ADAMTSL1: variants seen among roughly 807,000 people sequenced by gnomAD.
The protein encoded by ADAMTSL1 is ADAMTS like 1, also known as ADAMTS-like protein 1.
ADAMTSL1 carries 126 observed loss-of-function variants against 201.8 expected under a neutral mutation model. That is an observed-to-expected ratio of 0.62 (90% CI 0.54 to 0.72). The LOEUF is 0.72. Among genes scored for constraint, ADAMTSL1 ranks in the 30% least tolerant of loss-of-function variants. The pLI is 0.00. For missense variants in ADAMTSL1, 2,679 were observed against 2,277.8 expected (o/e 1.18, Z -3.59); for synonymous variants, 1,121 against 903.4 (o/e 1.24, Z -4.32).
At position 18,775,749 on chromosome 9, in the gene ADAMTSL1, A is replaced by C. The variant is rs771519241; in HGVS notation, c.2404A>C (p.Thr802Pro). ...GCCTTTCTTTCTCCACCAGTGTTCC[A>C]CAAGCTGCGGGGAAGGCACCCAGAC... is the stretch of plus-strand genomic sequence containing the variant. ...WLLSDWTECS[T>P]SCGEGTQTRS... Residue 802 changes from threonine (T) to proline (P), a missense_variant, in exon 18 of 29, where the codon ACA becomes CCA. Physicochemically the swap from Thr to Pro is conservative, Grantham distance 38. Transcript: ENST00000380548. 28 of 1,612,686 alleles carry C rather than the reference A, an allele frequency of 1.7e-5. No homozygotes were observed. The highest frequency in any genetic ancestry group is 2.4e-5 in the Non-Finnish European group (28 of 1,179,492).
At position 18,910,835 on chromosome 9, in the gene ADAMTSL1, G is replaced by C. The variant is rs1263850163; in HGVS notation, c.*2287G>C. 3 of 152,250 alleles carry C rather than the reference G, an allele frequency of 2.0e-5. No homozygotes were observed. Among genetic ancestry groups the C allele is most frequent in the Non-Finnish European group, 4.4e-5 (3 of 68,044 alleles). The allele number at this position is 152,250 out of a possible 1,614,324, so 9.4% of individuals were successfully genotyped here. ...TGTTTGTTCTGTGAATTGCAACTCA[G>C]CAGCACCACAAGACAATGAAGGCTG... On this transcript the variant is annotated 3_prime_UTR_variant, in exon 29 of 29. Transcript: ENST00000380548.
chr9:18,560,946 A>G (rs1821453340), intron 3 of ADAMTSL1, among the ~76,000 whole-genome samples: 1 of 151,446 alleles, frequency 6.6e-6, no homozygotes, highest in Non-Finnish European at 1.5e-5. Flanking sequence ...TCTTTAAAAA[A>G]AAAAAACAGC....
intron 1 of ADAMTSL1, among the ~76,000 whole-genome samples, chr9:18,484,840 A>G (rs1436032258): frequency 6.6e-6 from 1 of 152,198 alleles, no homozygotes. Flanking sequence ...TTTGGATTTC[A>G]TAGACTATTA....
chr9:18,672,940 T>C, intron 9 of ADAMTSL1, among the ~76,000 whole-genome samples: 1 of 152,214 alleles, frequency 6.6e-6, no homozygotes, highest in Non-Finnish European at 1.5e-5. Context: ...TGGAGTCATG[T>C]TACTGCCCAG....
At chr9:18,237,714 A>G (rs1830903075) in intron 2 of ADAMTSL1, among the ~76,000 whole-genome samples, 1 of 152,222 alleles carries the variant, frequency 6.6e-6, no homozygotes, top group Non-Finnish European at 1.5e-5. Flanking sequence ...GCTCTGATGC[A>G]TTTGAAAAGA....
intron 4 of ADAMTSL1, among the ~76,000 whole-genome samples, chr9:18,591,158 C>T (rs1031404384): frequency 2.0e-5 from 3 of 152,126 alleles, no homozygotes; most frequent in Non-Finnish European, 1.5e-5. Context: ...ATCTATCTCT[C>T]CTTTTAGATC....
At chr9:18,406,399 G>A (rs1190716359) in intron 2 of ADAMTSL1, among the ~76,000 whole-genome samples, 1 of 149,252 alleles carries the variant, frequency 6.7e-6, no homozygotes, top group Non-Finnish European at 1.5e-5. Context: ...CATGATCTCG[G>A]CTCACTGCAA....
At chr9:18,031,212 C>T (rs937681977) in intron 1 of ADAMTSL1, among the ~76,000 whole-genome samples, 12 of 152,180 alleles carry the variant, frequency 7.9e-5, no homozygotes, top group East Asian at 1.9e-4. Context: ...GGTGAAAAAA[C>T]ACTCTGAATT....
intron 13 of ADAMTSL1, among the ~76,000 whole-genome samples, chr9:18,703,140 A>T (rs1444486971): frequency 6.6e-6 from 1 of 152,198 alleles, no homozygotes; most frequent in African/African-American, 2.4e-5. Context: ...CTGATTTAAA[A>T]ACAAAAAAAA....
chr9:18,752,090 C>CAAAAAAAAAAAAA lies in ADAMTSL1; in HGVS notation c.2007-1191_2007-1179dup, dbSNP rs1166088098. 2.7e-5 allele frequency among the ~76,000 whole-genome samples: 3 copies of CAAAAAAAAAAAAA among 110,742 alleles called. 1 individual carries two copies. The highest frequency in any genetic ancestry group is 5.9e-5 in the Non-Finnish European group (3 of 51,130). The allele number at this position is 110,742 out of a possible 152,430, so 72.7% of individuals were successfully genotyped here. On this transcript the variant is annotated intron_variant, in intron 15 of 28. Coordinates refer to ENST00000380548, the MANE Select transcript of ADAMTSL1 (RefSeq NM_001040272.6). ...TGGGCGACAGAGCGAGACTCCGTCT[C>CAAAAAAAAAAAAA]AAAAAAAAAAAAAAAAAAAAAAAAA... is the stretch of plus-strand genomic sequence containing the variant.
At chr9:18,306,456 A>G (rs1299435542) in intron 2 of ADAMTSL1, among the ~76,000 whole-genome samples, 1 of 152,194 alleles carries the variant, frequency 6.6e-6, no homozygotes, top group Non-Finnish European at 1.5e-5. Flanking sequence ...AAAAAAGGTT[A>G]GAGAAATTGC....
intron 1 of ADAMTSL1, among the ~76,000 whole-genome samples, chr9:17,947,333 A>ACACT (rs1357485415): frequency 6.8e-6 from 1 of 146,244 alleles, no homozygotes; most frequent in African/African-American, 2.6e-5. Flanking sequence ...ACACACACAC[A>ACACT]CACACACACA....
intron 2 of ADAMTSL1, among the ~76,000 whole-genome samples, chr9:18,447,312 C>T (rs888813697): frequency 4.6e-5 from 7 of 152,168 alleles, no homozygotes; most frequent in Non-Finnish European, 8.8e-5. Flanking sequence ...AAATGTGTCA[C>T]AATCCCTGAA....
In ADAMTSL1 at chr9:18,662,062, T is replaced by C. The variant is rs759899921; in HGVS notation, c.1074T>C (p.Pro358=). 6.2e-7 allele frequency: 1 copy of C among 1,613,710 alleles called. No individual in the cohort carries two copies. Among genetic ancestry groups the C allele is most frequent in the South Asian group, 1.1e-5 (1 of 90,956 alleles). Residue 358 remains proline, a synonymous_variant, in exon 9 of 29, where the codon CCT becomes CCC. Transcript: ENST00000380548. The part of the protein sequence containing the change: ...KPKLQECNLD[P]CPASDGYKQI... ...AGCTTCAGGAGTGCAACTTGGATCC[T>C]TGTCCAGCCAGGTCAGTCAAATTTG...
At chr9:18,195,097 A>C (rs965279972) in intron 2 of ADAMTSL1, among the ~76,000 whole-genome samples, 3 of 152,150 alleles carry the variant, frequency 2.0e-5, no homozygotes, top group African/African-American at 4.8e-5. Flanking sequence ...CCTGTCATAC[A>C]GTAAGCACTC....
At chr9:18,414,746 A>G (rs909705766) in intron 2 of ADAMTSL1, among the ~76,000 whole-genome samples, 1 of 152,212 alleles carries the variant, frequency 6.6e-6, no homozygotes, top group Admixed American at 6.5e-5. Context: ...AGATAATTAT[A>G]CAAAGAAACC....
At chr9:17,908,694 G>C (rs1403763439) in intron 1 of ADAMTSL1, among the ~76,000 whole-genome samples, 1 of 152,186 alleles carries the variant, frequency 6.6e-6, no homozygotes, top group Non-Finnish European at 1.5e-5. Flanking sequence ...CTGGTCTCAG[G>C]TGATCCACTC....
chr9:18,361,364 CT>C, intron 2 of ADAMTSL1, among the ~76,000 whole-genome samples: 1 of 152,274 alleles, frequency 6.6e-6, no homozygotes, highest in Non-Finnish European at 1.5e-5. Context: ...GTGTATTTCA[CT>C]TGGTATATTC....
chr9:17,932,691 T>C (rs1236429256), intron 1 of ADAMTSL1, among the ~76,000 whole-genome samples: 3 of 152,180 alleles, frequency 2.0e-5, no homozygotes, highest in Admixed American at 6.6e-5. Flanking sequence ...GGGATAAATA[T>C]ATTCCCTTTA....
Sources: gnomAD v4.1 joint callset for allele counts (sites outside exome capture counted in the v4.1 genomes callset) on GRCh38, gnomAD v4.1.1 for gene constraint, MANE v1.5 for transcripts, NCBI Gene and HGNC (gene_info 2026-07-23, HGNC 2026-07-21) for gene names.